Variants in LRRTM4 observed in about 807,000 individuals in gnomAD.
The protein encoded by LRRTM4 is leucine rich repeat transmembrane neuronal 4.
A neutral mutation model predicts 47.6 loss-of-function variants in LRRTM4; 25 were observed. The ratio of observed to expected loss-of-function variants is 0.53; its 90% CI spans 0.38 to 0.73. The LOEUF (loss-of-function observed/expected upper bound fraction) is 0.73, where lower values mean the gene tolerates loss of function less well. Among genes scored for constraint, LRRTM4 ranks in the 30% least tolerant of loss-of-function variants. The pLI is 0.00. For missense variants in LRRTM4, 638 were observed against 713.4 expected, an observed-to-expected ratio of 0.89 and a Z score of 1.20; for synonymous variants, 311 against 269.5, an observed-to-expected ratio of 1.15 and a Z score of -1.51.
At chr2:77,426,981 CTTTT>C (rs1370837107) in intron 3 of LRRTM4, among the ~76,000 whole-genome samples, 1 of 135,726 alleles carries the variant, frequency 7.4e-6, no homozygotes, top group Admixed American at 7.5e-5. Flanking sequence ...CTGTGCCTGG[CTTTT>C]TTTTTTTTTT....
intron 3 of LRRTM4, among the ~76,000 whole-genome samples, chr2:77,297,665 C>A (rs1677010466): frequency 6.6e-6 from 1 of 152,178 alleles, no homozygotes; most frequent in Admixed American, 6.5e-5. Context: ...TTCCCAGGAG[C>A]CTCTCTATGC....
chr2:77,328,974 T>A (rs897823124), intron 3 of LRRTM4, among the ~76,000 whole-genome samples: 7 of 152,194 alleles, frequency 4.6e-5, no homozygotes, highest in African/African-American at 1.7e-4. Flanking sequence ...GGGGTGTTTC[T>A]GAACTGAGTT....
At chr2:77,148,911 T>C (rs1672343721) in intron 3 of LRRTM4, among the ~76,000 whole-genome samples, 2 of 152,214 alleles carry the variant, frequency 1.3e-5, no homozygotes, top group Non-Finnish European at 2.9e-5. Context: ...AGATTTTTAC[T>C]CTATGCCCCT....
chr2:76,781,022 T>G (rs1372421898), intron 3 of LRRTM4, among the ~76,000 whole-genome samples: 5 of 152,370 alleles, frequency 3.3e-5, no homozygotes, highest in African/African-American at 1.2e-4. Context: ...CCCTGCCGTG[T>G]GAGGTGTCAG....
intron 3 of LRRTM4, among the ~76,000 whole-genome samples, chr2:76,905,241 G>A (rs1673785600): frequency 6.6e-6 from 1 of 152,158 alleles, no homozygotes; most frequent in African/African-American, 2.4e-5. Context: ...GGCAAACAAG[G>A]TCTGGAGTGG....
intron 3 of LRRTM4, among the ~76,000 whole-genome samples, chr2:76,797,276 AC>A (rs1675387411): frequency 6.6e-6 from 1 of 152,188 alleles, no homozygotes; most frequent in South Asian, 2.1e-4. Context: ...CTCAGCAGAA[AC>A]CCTACAAGCC....
At chr2:77,266,766 A>C (rs930980265) in intron 3 of LRRTM4, among the ~76,000 whole-genome samples, 1 of 152,122 alleles carries the variant, frequency 6.6e-6, no homozygotes, top group African/African-American at 2.4e-5. Context: ...GGGGCTTCAG[A>C]CTGCAGGACT....
intron 3 of LRRTM4, among the ~76,000 whole-genome samples, chr2:77,426,980 G>A (rs1478755255): frequency 6.8e-6 from 1 of 147,120 alleles, no homozygotes; most frequent in East Asian, 2.0e-4. Context: ...ACTGTGCCTG[G>A]CTTTTTTTTT....
At chr2:77,207,349 G>GTATATATATATATATATATA (rs1553409290) in intron 3 of LRRTM4, among the ~76,000 whole-genome samples, 3 of 120,832 alleles carry the variant, frequency 2.5e-5, no homozygotes, top group African/African-American at 1.1e-4. Context: ...TCATATATGT[G>GTATATATATATATATATATA]TATATATATA....
At chr2:77,190,552 G>A (rs920606965) in intron 3 of LRRTM4, among the ~76,000 whole-genome samples, 6 of 151,880 alleles carry the variant, frequency 4.0e-5, no homozygotes, top group Admixed American at 1.3e-4. Context: ...TGCCCACCTC[G>A]GCTTCCCAAA....
At chr2:77,313,285 C>A (rs773295010) in intron 3 of LRRTM4, among the ~76,000 whole-genome samples, 1 of 120,474 alleles carries the variant, frequency 8.3e-6, no homozygotes, top group African/African-American at 3.6e-5. Flanking sequence ...GGGATGTGCC[C>A]CCCTAACTTT....
intron 3 of LRRTM4, among the ~76,000 whole-genome samples, chr2:76,821,513 C>A (rs1338476003): frequency 6.6e-6 from 1 of 151,640 alleles, no homozygotes; most frequent in African/African-American, 2.4e-5. Flanking sequence ...AGGCACACTC[C>A]TGGGCGTAAA....
intron 3 of LRRTM4, among the ~76,000 whole-genome samples, chr2:77,366,326 G>A (rs948350116): frequency 4.0e-5 from 6 of 151,826 alleles, no homozygotes; most frequent in African/African-American, 1.4e-4. Flanking sequence ...ACACGTTTTT[G>A]TCCCTATTTT....
chr2:77,225,954 AATTT>A (rs1674792055), intron 3 of LRRTM4, among the ~76,000 whole-genome samples: 1 of 152,002 alleles, frequency 6.6e-6, no homozygotes, highest in Admixed American at 6.6e-5. Context: ...TTTGATAAGT[AATTT>A]ATTCTTACTG....
At chr2:76,794,459 T>C (rs540952510) in intron 3 of LRRTM4, among the ~76,000 whole-genome samples, 1 of 152,192 alleles carries the variant, frequency 6.6e-6, no homozygotes, top group Non-Finnish European at 1.5e-5. Context: ...TTGTGAACAA[T>C]AGTTTTTTCT....
intron 3 of LRRTM4, among the ~76,000 whole-genome samples, chr2:77,418,582 A>T (rs1674738729): frequency 6.6e-6 from 1 of 152,182 alleles, no homozygotes; most frequent in African/African-American, 2.4e-5. Flanking sequence ...AAATCCTCTT[A>T]GGCCTATTTG....
intron 3 of LRRTM4, among the ~76,000 whole-genome samples, chr2:77,123,844 C>T (rs1387535962): frequency 6.6e-6 from 1 of 152,034 alleles, no homozygotes; most frequent in Non-Finnish European, 1.5e-5. Flanking sequence ...TATCCTTGGC[C>T]TTGACAGTAA....
chr2:77,452,785 C>A (rs1374814829), intron 3 of LRRTM4, among the ~76,000 whole-genome samples: 2 of 152,162 alleles, frequency 1.3e-5, no homozygotes, highest in Non-Finnish European at 2.9e-5. Context: ...GATGGGTCAA[C>A]AATAACTAAA....
intron 3 of LRRTM4, among the ~76,000 whole-genome samples, chr2:76,971,765 T>G (rs963072815): frequency 6.6e-6 from 1 of 151,996 alleles, no homozygotes; most frequent in African/African-American, 2.4e-5. Context: ...TTTTCAAAGT[T>G]CCACTGATGC....
Sources: gnomAD v4.1 joint callset for allele counts (sites outside exome capture counted in the v4.1 genomes callset) on GRCh38, gnomAD v4.1.1 for gene constraint, MANE v1.5 for transcripts, NCBI Gene and HGNC (gene_info 2026-07-23, HGNC 2026-07-21) for gene names.